The following RB1 variants were observed in gnomAD, a reference collection of about 807,000 sequenced individuals.
The protein encoded by RB1 is retinoblastoma-associated protein.
Under a neutral mutation model 135.4 loss-of-function variants are expected in RB1, and 18 were observed. The ratio of observed to expected loss-of-function variants is 0.13; its 90% confidence interval spans 0.09 to 0.20. RB1 has a LOEUF of 0.20. Ranked by LOEUF, RB1 falls within the 10% of genes least tolerant of loss-of-function variation. The probability of loss-of-function intolerance (pLI) is 1.00; values close to 1 mark genes in which losing one functional copy is unlikely to be tolerated. For synonymous variants in RB1, 365 were observed against 373.2 expected, an observed-to-expected ratio of 0.98 and a Z score of 0.25; for missense variants, 868 against 1,110.0, an observed-to-expected ratio of 0.78 and a Z score of 3.10.
In RB1 at chr13:48,450,203, A is replaced by G. The variant is rs145110728; in HGVS notation, c.1696-2790A>G. 6.1e-4 allele frequency among the ~76,000 whole-genome samples: 92 copies of G among 151,854 alleles called. 1 individual carries two copies. Among genetic ancestry groups the G allele is most frequent in the South Asian group, 1.0e-3 (5 of 4,810 alleles). ...TGTTTTCATCATGAAATCTTTCCCC[A>G]TGCCTATGTCCCGAATGGTATTGCC... is the stretch of plus-strand genomic sequence containing the variant. On this transcript the variant is annotated intron_variant, in intron 17 of 26. Coordinates refer to ENST00000267163, the MANE Select transcript of RB1 (RefSeq NM_000321.3).
chr13:48,479,815 T>A (rs1328940690), intron 26 of RB1, among the ~76,000 whole-genome samples, 183 bp from the exon 27 acceptor site: 2 of 152,144 alleles, frequency 1.3e-5, no homozygotes, highest in African/African-American at 4.8e-5. Context: ...TTCTAGCTAT[T>A]TTGAAATATG....
intron 6 of RB1, among the ~76,000 whole-genome samples, chr13:48,355,901 G>A (rs1952585277): frequency 6.6e-6 from 1 of 152,044 alleles, no homozygotes; most frequent in African/African-American, 2.4e-5. Flanking sequence ...AGAGTAGAAG[G>A]ATGGTTACCA....
chr13:48,355,903 T>C (rs923133358), intron 6 of RB1, among the ~76,000 whole-genome samples: 2 of 151,970 alleles, frequency 1.3e-5, no homozygotes, highest in South Asian at 2.1e-4. Flanking sequence ...AGTAGAAGGA[T>C]GGTTACCAGA....
At chr13:48,347,794 T>A (rs539968336) in intron 4 of RB1, 31 bp from the exon 5 acceptor site, 1 of 1,511,394 alleles carries the variant, frequency 6.6e-7, no homozygotes, top group Non-Finnish European at 9.2e-7. Context: ...TACGAAAAAA[T>A]GTTAAAAAGT....
At chr13:48,410,425 T>C (rs1948783181) in intron 17 of RB1, among the ~76,000 whole-genome samples, 1 of 152,206 alleles carries the variant, frequency 6.6e-6, no homozygotes, top group Non-Finnish European at 1.5e-5. Flanking sequence ...GTTGTGTAAG[T>C]ACACACTGTG....
chr13:48,453,981 A>C (rs1317759775), intron 18 of RB1, among the ~76,000 whole-genome samples: 2 of 152,220 alleles, frequency 1.3e-5, no homozygotes, highest in Non-Finnish European at 2.9e-5. Context: ...TCCTTTTGGC[A>C]TAGTGAATTG....
rs1382146221 is a variant in RB1 at position 48,476,684 on chromosome 13, A to T, written c.2521-17A>T. 6.2e-7 allele frequency: 1 copy of T among 1,609,052 alleles called. No individual in the cohort carries two copies. Among genetic ancestry groups the T allele is most frequent in the East Asian group, 2.2e-5 (1 of 44,830 alleles). ...TGGCATTTAATGATTTAAAGTAAAG[A>T]ATTCTGTAATTTGTAGACTTCTGAG... On this transcript the variant is annotated splice_polypyrimidine_tract_variant and intron_variant, in intron 24 of 26. Coordinates refer to ENST00000267163, the MANE Select transcript of RB1 (RefSeq NM_000321.3).
intron 20 of RB1, among the ~76,000 whole-genome samples, chr13:48,462,687 T>A (rs1949413693): frequency 6.6e-6 from 1 of 152,198 alleles, no homozygotes; most frequent in Admixed American, 6.5e-5. Context: ...GTTGTTAAGA[T>A]TTATCCCTGT....
chr13:48,303,916 C>G lies in RB1; in HGVS notation c.4C>G (p.Pro2Ala), dbSNP rs1328198608. The G allele has an allele frequency of 6.6e-7, 1 of 1,513,454 alleles. No individual in the cohort carries two copies. The highest frequency in any genetic ancestry group is 8.8e-7 in the Non-Finnish European group (1 of 1,138,088). 93.8% of individuals were successfully genotyped at this position (1,513,454 alleles called of 1,614,324 possible). ...GCTCCCGCCGCGGAAAGGCGTCATG[C>G]CGCCCAAAACCCCCCGAAAAACGGC... is the stretch of plus-strand genomic sequence containing the variant. MPPKTPRKTAAT... is the reference protein window; with the variant it reads MAPKTPRKTAAT... Residue 2 changes from proline (P) to alanine (A), a missense_variant, in exon 1 of 27, where the codon CCG becomes GCG. Transcript: ENST00000267163.
intron 17 of RB1, among the ~76,000 whole-genome samples, chr13:48,398,217 CATTTT>C (rs955677125): frequency 2.6e-5 from 4 of 151,132 alleles, no homozygotes; most frequent in Non-Finnish European, 4.4e-5. Context: ...AAAGAGGAAA[CATTTT>C]ATTTTAATTT....
intron 18 of RB1, among the ~76,000 whole-genome samples, chr13:48,454,907 G>A (rs1949350871): frequency 6.6e-6 from 1 of 152,192 alleles, no homozygotes; most frequent in African/African-American, 2.4e-5. Flanking sequence ...AATGGTGCAA[G>A]ATGAGACTGA....
intron 21 of RB1, 87 bp downstream of exon 21, chr13:48,463,922 A>T: frequency 1.2e-6 from 1 of 825,406 alleles, no homozygotes; most frequent in Non-Finnish European, 2.1e-6. Context: ...TTTATTCATT[A>T]ATGAGATCAT....
intron 2 of RB1, chr13:48,333,157 A>G (rs1232303316): frequency 2.5e-5 from 10 of 397,202 alleles, no homozygotes; most frequent in Non-Finnish European, 4.0e-5. Context: ...AACACCTTAA[A>G]TATAAACTTT....
intron 6 of RB1, among the ~76,000 whole-genome samples, chr13:48,349,955 A>G (rs1952533421): frequency 6.6e-6 from 1 of 152,200 alleles, no homozygotes; most frequent in African/African-American, 2.4e-5. Context: ...AGGTCATTAT[A>G]TAATGATAAA....
chr13:48,391,308 A>G (rs1366910374), intron 17 of RB1: 2 of 152,198 alleles, frequency 1.3e-5, no homozygotes, highest in Admixed American at 1.3e-4. Context: ...AAGCTCTACA[A>G]TACACTCATA....
chr13:48,328,266 T>C (rs904295873), intron 2 of RB1: 77 of 1,562,766 alleles, frequency 4.9e-5, no homozygotes, highest in Non-Finnish European at 6.7e-5. Flanking sequence ...TTCACTATCT[T>C]CATCTTCATT....
intron 17 of RB1, among the ~76,000 whole-genome samples, chr13:48,452,768 G>A (rs558306067): frequency 2.5e-4 from 38 of 151,510 alleles, no homozygotes; most frequent in African/African-American, 6.6e-4. Flanking sequence ...TAATATAAGC[G>A]TTGAAGGTTA....
At chr13:48,397,569 C>T (rs1948658545) in intron 17 of RB1, among the ~76,000 whole-genome samples, 1 of 152,076 alleles carries the variant, frequency 6.6e-6, no homozygotes, top group Non-Finnish European at 1.5e-5. Context: ...GTGCAGCAAA[C>T]CACCATGGCA....
chr13:48,387,762 G>C (rs1948581995), intron 17 of RB1, among the ~76,000 whole-genome samples: 1 of 152,066 alleles, frequency 6.6e-6, no homozygotes, highest in Admixed American at 6.6e-5. Flanking sequence ...ACTAAATTAA[G>C]TTTTAATTAC....
Sources: allele counts gnomAD v4.1 joint callset (sites outside exome capture counted in the v4.1 genomes callset), GRCh38; gene constraint gnomAD v4.1.1; transcripts MANE v1.5; gene names NCBI Gene and HGNC (gene_info 2026-07-23, HGNC 2026-07-21).